The following CBL variants were observed in gnomAD, a reference collection of about 807,000 sequenced individuals.
CBL encodes the protein E3 ubiquitin-protein ligase CBL.
A neutral mutation model predicts 96.9 loss-of-function variants in CBL; 45 were observed. That is an observed-to-expected ratio of 0.46 (90% CI 0.37 to 0.60). The LOEUF (loss-of-function observed/expected upper bound fraction) is 0.60. Among genes scored for constraint, CBL ranks in the 20% least tolerant of loss-of-function variants. The pLI, the probability that CBL is intolerant of heterozygous loss-of-function variation, is 0.00. For missense variants in CBL, 1,024 were observed against 1,143.5 expected, an observed-to-expected ratio of 0.90 and a Z score of 1.51; for synonymous variants, 420 against 426.8, an observed-to-expected ratio of 0.98 and a Z score of 0.20.
chr11:119,291,444 G>T (rs577708645), intron 12 of CBL, among the ~76,000 whole-genome samples: 1 of 152,318 alleles, frequency 6.6e-6, no homozygotes, highest in Admixed American at 6.5e-5. Context: ...AGTGCCTCAT[G>T]CCTGTAATCT....
At chr11:119,254,664 C>T (rs1027649212) in intron 2 of CBL, among the ~76,000 whole-genome samples, 1 of 151,586 alleles carries the variant, frequency 6.6e-6, no homozygotes, top group South Asian at 2.1e-4. Flanking sequence ...TGCAGTGGTG[C>T]CATCTTGGCT....
At chr11:119,252,699 T>TACAA (rs540740007) in intron 2 of CBL, among the ~76,000 whole-genome samples, 113 of 151,780 alleles carry the variant, frequency 7.4e-4, no homozygotes, top group Middle Eastern at 3.4e-3. Context: ...CTACCAAAAA[T>TACAA]ACAAACAAAC....
chr11:119,267,009 C>T (rs1277266364), intron 2 of CBL, among the ~76,000 whole-genome samples: 3 of 152,170 alleles, frequency 2.0e-5, no homozygotes, highest in Non-Finnish European at 2.9e-5. Context: ...ACTCAAATGT[C>T]TGTATCATAC....
chr11:119,250,310 C>G (rs898810442), intron 2 of CBL, among the ~76,000 whole-genome samples: 2 of 152,196 alleles, frequency 1.3e-5, no homozygotes, highest in Non-Finnish European at 2.9e-5. Flanking sequence ...ATTATTCCCT[C>G]TACCCCTTTC....
chr11:119,303,734 G>A lies in CBL; in HGVS notation c.*3953G>A, dbSNP rs1340926022. ...TTCCAACATAATTAGAATCTGTTTG[G>A]TGAGTTGAAAGGTAAGTTGGCTCAG... On this transcript the variant is annotated 3_prime_UTR_variant, in exon 16 of 16. Coordinates refer to ENST00000264033, the MANE Select transcript of CBL (RefSeq NM_005188.4). The A allele has an allele frequency of 8.6e-6, 2 of 233,580 alleles. No homozygotes were observed. Among genetic ancestry groups the A allele is most frequent in the African/African-American group, 2.2e-5 (1 of 45,332 alleles). The allele number at this position is 233,580 out of a possible 1,614,324, so 14.5% of individuals were successfully genotyped here. A position where few individuals can be genotyped will look rare whatever the true frequency, so the allele number is the denominator to read the frequency against.
intron 9 of CBL, among the ~76,000 whole-genome samples, chr11:119,281,331 TGG>T (rs1297948794): frequency 6.6e-6 from 1 of 152,192 alleles, no homozygotes; most frequent in Non-Finnish European, 1.5e-5. Context: ...TTGAGATCTT[TGG>T]TATCTTAAAA....
intron 12 of CBL, among the ~76,000 whole-genome samples, chr11:119,289,174 C>CTA (rs923504088): frequency 1.3e-5 from 2 of 152,138 alleles, no homozygotes; most frequent in Non-Finnish European, 2.9e-5. Context: ...TTGTAGCATT[C>CTA]TATATAAGTT....
At chr11:119,240,965 C>T (rs541782996) in intron 2 of CBL, among the ~76,000 whole-genome samples, 183 of 151,968 alleles carry the variant, frequency 1.2e-3, no homozygotes, top group African/African-American at 3.7e-3. Flanking sequence ...CCCAGCTACT[C>T]GGGAGGCTGA....
rs201788865 is a variant in CBL at position 119,282,338 on chromosome 11, CAA to C, written c.1432-2617_1432-2616del. On this transcript the variant is annotated intron_variant, in intron 9 of 15. Transcript: ENST00000264033. ...GGGCAACAAGAGTGAGACTCCATCT[CAA>C]AAAAAAAAAAAAAGACTATTGCAAG... Among the ~76,000 whole-genome samples the C allele has an allele frequency of 1.3e-3, 102 of 80,414 alleles. 1 individual carries two copies. The highest frequency in any genetic ancestry group is 1.1e-3 in the Admixed American group (8 of 7,204). The allele number at this position is 80,414 out of a possible 152,430, so 52.8% of individuals were successfully genotyped here.
At chr11:119,281,494 C>CTTTT (rs34775460) in intron 9 of CBL, among the ~76,000 whole-genome samples, 1 of 125,834 alleles carries the variant, frequency 7.9e-6, no homozygotes, top group Non-Finnish European at 1.6e-5. Context: ...CACCAAAAGC[C>CTTTT]TTTTTTTTTT....
chr11:119,214,234 C>T (rs944541818), intron 1 of CBL, among the ~76,000 whole-genome samples: 3 of 151,502 alleles, frequency 2.0e-5, no homozygotes, highest in Non-Finnish European at 2.9e-5. Context: ...TGAGCCACCC[C>T]GCCCGGACTT....
intron 1 of CBL, among the ~76,000 whole-genome samples, chr11:119,227,947 C>T (rs1311632453): frequency 6.6e-6 from 1 of 152,134 alleles, no homozygotes; most frequent in Non-Finnish European, 1.5e-5. Flanking sequence ...TGTCCCTGTG[C>T]CTGACACATA....
At chr11:119,211,854 G>A (rs188684973) in intron 1 of CBL, among the ~76,000 whole-genome samples, 11 of 152,222 alleles carry the variant, frequency 7.2e-5, no homozygotes, top group African/African-American at 2.4e-4. Context: ...AAAGGATGCA[G>A]GTGATTAATT....
intron 2 of CBL, among the ~76,000 whole-genome samples, chr11:119,258,554 G>T (rs1949728980): frequency 6.6e-6 from 1 of 152,134 alleles, no homozygotes; most frequent in African/African-American, 2.4e-5. Flanking sequence ...CCTCCCACCA[G>T]GCGCCATCTC....
At chr11:119,258,571 T>TGG (rs1260670800) in intron 2 of CBL, among the ~76,000 whole-genome samples, 1 of 152,172 alleles carries the variant, frequency 6.6e-6, no homozygotes, top group Non-Finnish European at 1.5e-5. Flanking sequence ...TCTCCAGCAC[T>TGG]GGGGGATTAC....
chr11:119,211,621 A>C (rs911087535), intron 1 of CBL, among the ~76,000 whole-genome samples: 7 of 151,544 alleles, frequency 4.6e-5, no homozygotes, highest in Non-Finnish European at 1.0e-4. Flanking sequence ...CTCTTGCCTT[A>C]GCCTCCCAAG....
At chr11:119,245,267 C>A (rs1010191305) in intron 2 of CBL, among the ~76,000 whole-genome samples, 1 of 151,238 alleles carries the variant, frequency 6.6e-6, no homozygotes, top group Admixed American at 6.6e-5. Flanking sequence ...GTTTGAGGAC[C>A]CCTTTACATT....
At chr11:119,216,548 T>A (rs1020936040) in intron 1 of CBL, among the ~76,000 whole-genome samples, 4 of 151,826 alleles carry the variant, frequency 2.6e-5, no homozygotes, top group Admixed American at 2.0e-4. Flanking sequence ...ATTTTTGTAT[T>A]TTTAGTAGAG....
At chr11:119,218,205 C>G (rs1195484125) in intron 1 of CBL, among the ~76,000 whole-genome samples, 1 of 152,156 alleles carries the variant, frequency 6.6e-6, no homozygotes, top group Non-Finnish European at 1.5e-5. Flanking sequence ...TGACCCGGCA[C>G]TCACACTTAC....
Sources: gnomAD v4.1 joint callset for allele counts (sites outside exome capture counted in the v4.1 genomes callset) on GRCh38, gnomAD v4.1.1 for gene constraint, MANE v1.5 for transcripts, NCBI Gene and HGNC (gene_info 2026-07-23, HGNC 2026-07-21) for gene names.